COL10A1: variants seen among roughly 807,000 people sequenced by gnomAD.
COL10A1 encodes the protein collagen type X alpha 1 chain, also known as collagen alpha-1(X) chain.
In COL10A1, 10 loss-of-function variants were observed where a neutral mutation model predicts 18.2. The observed-to-expected ratio is 0.55, with a 90% CI of 0.34 to 0.93. The LOEUF (loss-of-function observed/expected upper bound fraction) is 0.93. Ranked by LOEUF, COL10A1 falls within the 40% of genes least tolerant of loss-of-function variation. COL10A1 has a pLI of 0.02. For missense variants in COL10A1, 897 were observed against 853.5 expected (o/e 1.05, Z -0.64); for synonymous variants, 330 against 316.6 (o/e 1.04, Z -0.45).
At chr6:116,123,726 A>G (rs1779206658) in intron 2 of COL10A1, among the ~76,000 whole-genome samples, 2 of 152,234 alleles carry the variant, frequency 1.3e-5, no homozygotes, top group African/African-American at 4.8e-5. Flanking sequence ...TTGAGTGTCT[A>G]TCTAAAAAGA....
intron 1 of COL10A1, among the ~76,000 whole-genome samples, chr6:116,143,049 A>T (rs1281700245): frequency 6.6e-6 from 1 of 152,156 alleles, no homozygotes; most frequent in Non-Finnish European, 1.5e-5. Context: ...TTTTGCTCTT[A>T]CTAGGAAATT....
intron 1 of COL10A1, among the ~76,000 whole-genome samples, chr6:116,148,832 C>T (rs1779962382): frequency 6.6e-6 from 1 of 151,872 alleles, no homozygotes. Flanking sequence ...TTCTATAAGT[C>T]AAAAGTAAAG....
chr6:116,136,490 G>C (rs1471937816), intron 1 of COL10A1, among the ~76,000 whole-genome samples: 1 of 151,874 alleles, frequency 6.6e-6, no homozygotes, highest in African/African-American at 2.4e-5. Flanking sequence ...AGAAGAAAAT[G>C]AAGCTTATTA....
At chr6:116,205,096 T>C in the COL10A1 span, among the ~76,000 whole-genome samples, 1 of 152,004 alleles carries the variant, frequency 6.6e-6, no homozygotes, top group Non-Finnish European at 1.5e-5. Flanking sequence ...AATACATTCA[T>C]GGGTTCTTAG....
chr6:116,188,045 G>C, the COL10A1 span, among the ~76,000 whole-genome samples: 3 of 151,944 alleles, frequency 2.0e-5, no homozygotes, highest in African/African-American at 7.2e-5. Context: ...AGTCTTGACA[G>C]GCAGTTTACA....
chr6:116,159,350 G>A (rs1780277379), upstream of COL10A1, among the ~76,000 whole-genome samples: 1 of 152,088 alleles, frequency 6.6e-6, no homozygotes, highest in African/African-American at 2.4e-5. Context: ...CATTATTTCT[G>A]TTTTTTAATT....
intron 2 of COL10A1, among the ~76,000 whole-genome samples, chr6:116,124,792 T>C (rs147478942): frequency 6.6e-6 from 1 of 152,232 alleles, no homozygotes; most frequent in Non-Finnish European, 1.5e-5. Context: ...TAAGTAATTA[T>C]GAGAATTGCA....
At chr6:116,143,834 A>G (rs554490455) in intron 1 of COL10A1, among the ~76,000 whole-genome samples, 11 of 152,284 alleles carry the variant, frequency 7.2e-5, no homozygotes, top group Non-Finnish European at 1.3e-4. Context: ...ACTGTCATTT[A>G]TTGCAACATT....
At chr6:116,154,291 T>G (rs1476904902) in intron 1 of COL10A1, among the ~76,000 whole-genome samples, 1 of 152,156 alleles carries the variant, frequency 6.6e-6, no homozygotes, top group East Asian at 1.9e-4. Flanking sequence ...TGGAGTAGGT[T>G]TCGTCTAGCT....
Position 116,121,797 on chromosome 6 carries a change from T to A in COL10A1, c.319A>T (p.Lys107Ter), listed in dbSNP as rs1277355849. Residue 107 changes from lysine to a stop codon, truncating the protein, a stop_gained, in exon 3 of 3, where the codon AAA (lysine) becomes TAA (stop). Coordinates refer to ENST00000651968, the MANE Select transcript of COL10A1 (RefSeq NM_000493.4). LOFTEE classifies it low-confidence loss of function (END_TRUNC). Reference sequence around the variant, plus strand: ...CCTGGGAGTCCTGGCACACCTGGTTTCCCTACAGCTGATGGTCCCGGTGGT... The same window carrying A: ...CCTGGGAGTCCTGGCACACCTGGTTACCCTACAGCTGATGGTCCCGGTGGT... ...PGPPGPSAVG[K>*]PGVPGLPGKP... 1 of 1,613,476 alleles carries A rather than the reference T, an allele frequency of 6.2e-7. No individual in the cohort carries two copies. Among genetic ancestry groups the A allele is most frequent in the Non-Finnish European group, 8.5e-7 (1 of 1,179,850 alleles).
the COL10A1 span, among the ~76,000 whole-genome samples, chr6:116,209,639 G>C: frequency 6.6e-6 from 1 of 151,872 alleles, no homozygotes; most frequent in South Asian, 2.1e-4. Context: ...GGAAGGCAGA[G>C]TATTCCAGGA....
the COL10A1 span, among the ~76,000 whole-genome samples, chr6:116,200,489 G>A: frequency 6.6e-6 from 1 of 151,980 alleles, no homozygotes; most frequent in Non-Finnish European, 1.5e-5. Flanking sequence ...TGAGTGTGAG[G>A]TGTATGGGAA....
chr6:116,181,384 A>T, the COL10A1 span, among the ~76,000 whole-genome samples: 6 of 152,126 alleles, frequency 3.9e-5, no homozygotes, highest in African/African-American at 1.4e-4. Flanking sequence ...TTATCAGTTT[A>T]ATTTATGATA....
chr6:116,162,959 C>G (rs1285544362), upstream of COL10A1, among the ~76,000 whole-genome samples: 1 of 151,620 alleles, frequency 6.6e-6, no homozygotes, highest in African/African-American at 2.4e-5. Flanking sequence ...AACCCCGTCT[C>G]TACTAAATAT....
the COL10A1 span, among the ~76,000 whole-genome samples, chr6:116,186,660 G>A: frequency 4.2e-3 from 640 of 151,998 alleles, 6 homozygotes; most frequent in African/African-American, 0.015. Flanking sequence ...CTACTTGTTC[G>A]ATTCTGTTGC....
At chr6:116,211,330 A>G in the COL10A1 span, among the ~76,000 whole-genome samples, 1 of 152,072 alleles carries the variant, frequency 6.6e-6, no homozygotes, top group Non-Finnish European at 1.5e-5. Context: ...TCAGGAGATG[A>G]TAATACATTG....
chr6:116,199,489 A>G, the COL10A1 span, among the ~76,000 whole-genome samples: 1 of 152,078 alleles, frequency 6.6e-6, no homozygotes, highest in Non-Finnish European at 1.5e-5. Flanking sequence ...AGAAATATGT[A>G]TGTACAAAAG....
the COL10A1 span, among the ~76,000 whole-genome samples, chr6:116,165,660 C>G: frequency 6.6e-6 from 1 of 152,226 alleles, no homozygotes; most frequent in African/African-American, 2.4e-5. Flanking sequence ...ACCAGTACCA[C>G]CCCATTCAGT....
At chr6:116,166,262 G>C in the COL10A1 span, among the ~76,000 whole-genome samples, 1 of 152,128 alleles carries the variant, frequency 6.6e-6, no homozygotes, top group South Asian at 2.1e-4. Flanking sequence ...TTTCCATTCA[G>C]ATCATGACCA....
Sources: allele counts gnomAD v4.1 joint callset (sites outside exome capture counted in the v4.1 genomes callset), GRCh38; gene constraint gnomAD v4.1.1; transcripts MANE v1.5; gene names NCBI Gene and HGNC (gene_info 2026-07-23, HGNC 2026-07-21).